The following NHLRC2 variants were observed in gnomAD, a reference collection of about 807,000 sequenced individuals.
NHLRC2 encodes the protein NHL repeat-containing protein 2.
A neutral mutation model predicts 68.1 loss-of-function variants in NHLRC2; 33 were observed. The observed-to-expected ratio is 0.48, with a 90% confidence interval of 0.37 to 0.65. The LOEUF (loss-of-function observed/expected upper bound fraction) is 0.65, where lower values mean the gene tolerates loss of function less well. Ranked by LOEUF, NHLRC2 falls within the 30% of genes least tolerant of loss-of-function variation. NHLRC2 has a pLI of 0.00. For synonymous variants in NHLRC2, 311 were observed against 309.6 expected (o/e 1.00, Z -0.05); for missense variants, 761 against 853.8 (o/e 0.89, Z 1.35).
Position 113,908,492 on chromosome 10 carries a change from C to T in NHLRC2, c.2137C>T (p.Gln713Ter). Residue 713 changes from glutamine to a stop codon, truncating the protein, a stop_gained, in exon 11 of 11, where the codon CAG (glutamine) becomes TAG (stop). Coordinates refer to ENST00000369301, the MANE Select transcript of NHLRC2 (RefSeq NM_198514.4). LOFTEE classifies it high-confidence loss of function. Reference protein sequence around the residue: ...FSQPLQITDTQQGCIAPVELR... With the variant: ...FSQPLQITDT ...TCAGCCTTTACAAATAACGGATACA[C>T]AGCAAGGTTGCATAGCTCCAGTAGA... The T allele has an allele frequency of 1.9e-6, 3 of 1,614,028 alleles. No homozygotes were observed. The highest frequency in any genetic ancestry group is 2.5e-6 in the Non-Finnish European group (3 of 1,179,948).
chr10:113,897,645 T>C (rs74157537), intron 5 of NHLRC2, among the ~76,000 whole-genome samples: 35 of 152,326 alleles, frequency 2.3e-4, no homozygotes, highest in African/African-American at 8.2e-4. Context: ...CTAGAATAAC[T>C]GAAACATTGT....
At chr10:113,894,068 T>G (rs1308581728) in intron 5 of NHLRC2, among the ~76,000 whole-genome samples, 1 of 152,172 alleles carries the variant, frequency 6.6e-6, no homozygotes, top group Non-Finnish European at 1.5e-5. Flanking sequence ...AGTGGTCAGA[T>G]TTTGAATATA....
At chr10:113,888,971 T>C (rs555920562) in intron 5 of NHLRC2, among the ~76,000 whole-genome samples, 1 of 151,832 alleles carries the variant, frequency 6.6e-6, no homozygotes, top group East Asian at 1.9e-4. Context: ...AGATTACAGG[T>C]GTGCACCACC....
chr10:113,868,363 G>GCTGTT (rs1845889561), intron 2 of NHLRC2, among the ~76,000 whole-genome samples: 3 of 152,022 alleles, frequency 2.0e-5, no homozygotes, highest in Admixed American at 2.0e-4. Flanking sequence ...GATTCATAAA[G>GCTGTT]GGCAGAATCT....
At position 113,863,946 on chromosome 10, in the gene NHLRC2, G is replaced by T. The variant is rs114211728; in HGVS notation, c.331+5266G>T. ...GAAAACCTGAATAGACCTATATCTG[G>T]TAGCATTATTCTCAATAGCCAAGAT... is the stretch of plus-strand genomic sequence containing the variant. On this transcript the variant is annotated intron_variant, in intron 2 of 10. Transcript: ENST00000369301. Among the ~76,000 whole-genome samples, 886 of 152,270 alleles carry T rather than the reference G, an allele frequency of 5.8e-3. 9 individuals are homozygous for T. Among genetic ancestry groups the T allele is most frequent in the African/African-American group, 0.019 (805 of 41,552 alleles).
In NHLRC2 at chr10:113,879,633, G is replaced by A. The variant is rs1846018782; in HGVS notation, c.847G>A (p.Gly283Ser). The A allele has an allele frequency of 1.9e-6, 3 of 1,576,736 alleles. No individual in the cohort carries two copies. Among genetic ancestry groups the A allele is most frequent in the Non-Finnish European group, 1.7e-6 (2 of 1,151,588 alleles). ...AGAATCAACTTTTAATTCTCCACAGGGTGTAGCCATAATGAATAATATCAT... is the reference window on the plus strand; with the variant it reads ...AGAATCAACTTTTAATTCTCCACAGAGTGTAGCCATAATGAATAATATCAT... Reference protein sequence around the residue: ...FSESTFNSPQGVAIMNNIIYV... With the variant: ...FSESTFNSPQSVAIMNNIIYV... Residue 283 changes from glycine to serine, a missense_variant, in exon 4 of 11, where the codon GGT becomes AGT. By Grantham distance (56) the Gly-to-Ser change is moderately conservative. Transcript: ENST00000369301.
intron 1 of NHLRC2, 26 bp downstream of exon 1, chr10:113,855,076 GC>G: frequency 1.3e-6 from 2 of 1,540,572 alleles, no homozygotes; most frequent in Non-Finnish European, 1.8e-6. Flanking sequence ...CGGGGTGGGG[GC>G]CCCTCCCGGC....
intron 2 of NHLRC2, among the ~76,000 whole-genome samples, chr10:113,859,062 T>C (rs774519509): frequency 5.3e-5 from 8 of 152,146 alleles, no homozygotes; most frequent in Admixed American, 6.5e-5. Context: ...GGTTTAAAGT[T>C]CTTATTAGGA....
chr10:113,879,758 A>G (rs1846020431), intron 4 of NHLRC2, 63 bp downstream of exon 4: 2 of 1,094,038 alleles, frequency 1.8e-6, no homozygotes, highest in African/African-American at 1.6e-5. Context: ...TATTTGCTAC[A>G]TTAAATATTT....
intron 5 of NHLRC2, among the ~76,000 whole-genome samples, chr10:113,887,061 C>T (rs1271074234): frequency 2.0e-5 from 3 of 152,070 alleles, no homozygotes; most frequent in Admixed American, 2.0e-4. Flanking sequence ...AAGGGTATCA[C>T]AAACATTTCT....
Position 113,915,620 on chromosome 10 carries a change from G to T in NHLRC2, c.*7084G>T. ...GACTTAACTCTCCCCAATTAAAATAGTTTTTTTTTCCCTTCCCATTTTTTT... is the reference window on the plus strand; with the variant it reads ...GACTTAACTCTCCCCAATTAAAATATTTTTTTTTTCCCTTCCCATTTTTTT... On this transcript the variant is annotated 3_prime_UTR_variant, in exon 11 of 11. Transcript: ENST00000369301. The T allele has an allele frequency of 4.5e-6, 1 of 221,856 alleles. No homozygotes were observed. The highest frequency in any genetic ancestry group is 6.2e-5 in the South Asian group (1 of 16,050). The allele number at this position is 221,856 out of a possible 1,614,324, so 13.7% of individuals were successfully genotyped here.
At chr10:113,875,688 T>A (rs1318702847) in intron 2 of NHLRC2, among the ~76,000 whole-genome samples, 1 of 152,208 alleles carries the variant, frequency 6.6e-6, no homozygotes, top group Non-Finnish European at 1.5e-5. Context: ...AGGGTGTGTC[T>A]TCAAGCATGC....
intron 6 of NHLRC2, among the ~76,000 whole-genome samples, chr10:113,898,656 C>T (rs1005903241): frequency 2.0e-5 from 3 of 152,080 alleles, no homozygotes; most frequent in Admixed American, 6.5e-5. Flanking sequence ...TTCAGTGGAC[C>T]CTTATCTTTT....
At chr10:113,855,623 A>C (rs1337656229) in intron 1 of NHLRC2, among the ~76,000 whole-genome samples, 1 of 151,610 alleles carries the variant, frequency 6.6e-6, no homozygotes, top group Non-Finnish European at 1.5e-5. Context: ...CCGCGCCACC[A>C]CGCCTGGCTA....
chr10:113,889,989 A>T (rs1194623840), intron 5 of NHLRC2, among the ~76,000 whole-genome samples: 1 of 152,258 alleles, frequency 6.6e-6, no homozygotes, highest in Non-Finnish European at 1.5e-5. Context: ...GAAAACCTCC[A>T]TAAACGTTTG....
At chr10:113,865,170 C>T (rs553708900) in intron 2 of NHLRC2, among the ~76,000 whole-genome samples, 1 of 151,818 alleles carries the variant, frequency 6.6e-6, no homozygotes, top group Admixed American at 6.6e-5. Context: ...AGGATGGTCT[C>T]GATCTTCTGA....
Position 113,902,493 on chromosome 10 carries a change from T to G in NHLRC2, c.1394T>G (p.Val465Gly). The G allele has an allele frequency of 6.3e-7, 1 of 1,580,540 alleles. No individual in the cohort carries two copies. Among genetic ancestry groups the G allele is most frequent in the Non-Finnish European group, 8.6e-7 (1 of 1,166,024 alleles). The change falls in exon 8 of 11, where the codon GTT (valine) becomes GGT (glycine). Residue 465 changes from valine to glycine, a missense_variant. Transcript: ENST00000369301. Reference protein sequence around the residue: ...DPMNLFAFGDVDGVGINAKLQ... With the variant: ...DPMNLFAFGDGDGVGINAKLQ... ...AAGAATTTATTTGCTTTTGGTGATG[T>G]TGATGGAGTAGGAATCAATGCAAAG...
chr10:113,898,215 TGACAG>T lies in NHLRC2; in HGVS notation c.1139+7_1139+11del. 1 of 1,581,366 alleles carries T rather than the reference TGACAG, an allele frequency of 6.3e-7. No individual in the cohort carries two copies. The highest frequency in any genetic ancestry group is 8.7e-7 in the Non-Finnish European group (1 of 1,150,462). Reference sequence around the variant, plus strand: ...GGCAAACTGCCAAAGAAAAAGTAAGTGACAGCCTCTCTCTTTGAGTAGACTGTACT... The same window carrying T: ...GGCAAACTGCCAAAGAAAAAGTAAGTCCTCTCTCTTTGAGTAGACTGTACT... On this transcript the variant is annotated splice_region_variant and intron_variant, in intron 6 of 10. Coordinates refer to ENST00000369301, the MANE Select transcript of NHLRC2 (RefSeq NM_198514.4).
At position 113,876,619 on chromosome 10, in the gene NHLRC2, C is replaced by G; in HGVS notation, c.430C>G (p.Pro144Ala). The G allele has an allele frequency of 1.9e-6, 3 of 1,613,458 alleles. No individual in the cohort carries two copies. Among genetic ancestry groups the G allele is most frequent in the Non-Finnish European group, 2.5e-6 (3 of 1,179,546 alleles). ...TGTTCTTCGATACAACATCACCCAC[C>G]CTATGGTTAATGATGCAGATGCCAG... ...SAVLRYNITHPMVNDADASLW... is the reference protein window; with the variant it reads ...SAVLRYNITHAMVNDADASLW... Residue 144 changes from proline (P) to alanine (A), a missense_variant, in exon 3 of 11, where the codon CCT becomes GCT. Coordinates refer to ENST00000369301, the MANE Select transcript of NHLRC2 (RefSeq NM_198514.4).
Sources: gnomAD v4.1 joint callset for allele counts (sites outside exome capture counted in the v4.1 genomes callset) on GRCh38, gnomAD v4.1.1 for gene constraint, MANE v1.5 for transcripts, NCBI Gene and HGNC (gene_info 2026-07-23, HGNC 2026-07-21) for gene names.